The following CLVS1 variants were observed in gnomAD, a reference collection of about 807,000 sequenced individuals.
The protein encoded by CLVS1 is clavesin 1.
CLVS1 carries 10 observed loss-of-function variants against 33.1 expected under a neutral mutation model. The ratio of observed to expected loss-of-function variants is 0.30; its 90% CI spans 0.19 to 0.51. The LOEUF is 0.51. Ranked by LOEUF, CLVS1 falls within the 20% of genes least tolerant of loss-of-function variation. CLVS1 has a pLI of 0.97. For synonymous variants in CLVS1, 163 were observed against 166.1 expected, an observed-to-expected ratio of 0.98 and a Z score of 0.14; for missense variants, 343 against 433.4, an observed-to-expected ratio of 0.79 and a Z score of 1.85.
intron 2 of CLVS1, among the ~76,000 whole-genome samples, chr8:61,328,491 T>A (rs10429447): frequency 6.6e-6 from 1 of 151,940 alleles, no homozygotes; most frequent in Non-Finnish European, 1.5e-5. Context: ...CCTTAGCATA[T>A]ATTACCAGCT....
At chr8:61,069,011 G>C (rs181880662) in intron 1 of CLVS1, among the ~76,000 whole-genome samples, 26 of 152,200 alleles carry the variant, frequency 1.7e-4, no homozygotes, top group Admixed American at 1.5e-3. Flanking sequence ...TTGTTGTCCA[G>C]GCTGGAGTGC....
At chr8:61,471,116 T>C (rs886253343) in intron 5 of CLVS1, among the ~76,000 whole-genome samples, 2 of 152,236 alleles carry the variant, frequency 1.3e-5, no homozygotes, top group African/African-American at 4.8e-5. Flanking sequence ...CTATGTGTCT[T>C]CATTTTCCTA....
chr8:61,312,900 A>G (rs565806558), intron 2 of CLVS1, among the ~76,000 whole-genome samples: 1 of 152,186 alleles, frequency 6.6e-6, no homozygotes, highest in Non-Finnish European at 1.5e-5. Flanking sequence ...AGTTCTTACT[A>G]AAGAATCTTC....
intron 2 of CLVS1, among the ~76,000 whole-genome samples, chr8:61,353,329 G>T (rs1377662118): frequency 6.6e-6 from 1 of 151,884 alleles, no homozygotes; most frequent in African/African-American, 2.4e-5. Context: ...TAAAATAAAT[G>T]AAATCATACT....
At chr8:61,132,803 C>T (rs368523505) in intron 2 of CLVS1, among the ~76,000 whole-genome samples, 45 of 152,252 alleles carry the variant, frequency 3.0e-4, no homozygotes, top group African/African-American at 9.9e-4. Flanking sequence ...GCCTGACTCC[C>T]GTAAGTAAAG....
At chr8:61,112,286 A>G (rs1458210129) in intron 1 of CLVS1, among the ~76,000 whole-genome samples, 1 of 152,202 alleles carries the variant, frequency 6.6e-6, no homozygotes, top group Non-Finnish European at 1.5e-5. Flanking sequence ...GTTATAGAAT[A>G]AGGCCTACTT....
chr8:61,139,451 C>A (rs1256464220), intron 2 of CLVS1, among the ~76,000 whole-genome samples: 1 of 152,202 alleles, frequency 6.6e-6, no homozygotes, highest in Non-Finnish European at 1.5e-5. Context: ...ACCTTCTCCG[C>A]GCTTTAAGAT....
chr8:61,329,775 T>C (rs1466877923), intron 2 of CLVS1, among the ~76,000 whole-genome samples: 1 of 152,226 alleles, frequency 6.6e-6, no homozygotes, highest in African/African-American at 2.4e-5. Flanking sequence ...ATTTTAAATG[T>C]TCCTTTAAGT....
intron 2 of CLVS1, among the ~76,000 whole-genome samples, chr8:61,240,894 G>GTTTTTTTTTTTTTTTTTTTTTTTTTTTT (rs549955338): frequency 7.7e-6 from 1 of 130,616 alleles, no homozygotes; most frequent in African/African-American, 3.2e-5. Flanking sequence ...TTTGCTGTAG[G>GTTTTTTTTTTTTTTTTTTTTTTTTTTTT]TTTTTTTTTT....
At chr8:61,424,024 T>C (rs1694935213) in intron 3 of CLVS1, among the ~76,000 whole-genome samples, 1 of 152,192 alleles carries the variant, frequency 6.6e-6, no homozygotes, top group Admixed American at 6.5e-5. Context: ...TATCTTCATC[T>C]CTCTTCCCTT....
At chr8:61,026,233 C>T in the CLVS1 span, among the ~76,000 whole-genome samples, 40 of 152,272 alleles carry the variant, frequency 2.6e-4, no homozygotes, top group African/African-American at 9.4e-4. Flanking sequence ...AGACCCTCTT[C>T]ATGAGAAGAC....
chr8:61,334,868 A>G (rs944757145), intron 2 of CLVS1, among the ~76,000 whole-genome samples: 15 of 152,330 alleles, frequency 9.8e-5, no homozygotes, highest in African/African-American at 2.6e-4. Flanking sequence ...ATAGAGAAAG[A>G]GTAATTCACG....
intron 1 of CLVS1, among the ~76,000 whole-genome samples, chr8:61,113,389 C>A (rs17763185): frequency 0.19 from 29,244 of 152,080 alleles, 3,022 homozygotes; most frequent in Admixed American, 0.31. Context: ...CAGATGGGTC[C>A]AACCACATGG....
chr8:61,097,698 T>A (rs1234063976), intron 1 of CLVS1, among the ~76,000 whole-genome samples: 1 of 152,216 alleles, frequency 6.6e-6, no homozygotes, highest in Non-Finnish European at 1.5e-5. Context: ...AACTTCAAGG[T>A]ACCTGTGCTG....
chr8:61,402,855 A>C (rs1814823114), intron 3 of CLVS1, among the ~76,000 whole-genome samples: 1 of 152,238 alleles, frequency 6.6e-6, no homozygotes, highest in Non-Finnish European at 1.5e-5. Context: ...AAAAGACCAA[A>C]ATGTCTGCCC....
intron 2 of CLVS1, among the ~76,000 whole-genome samples, chr8:61,157,721 TA>T (rs1029823905): frequency 2.7e-5 from 4 of 150,932 alleles, no homozygotes; most frequent in Admixed American, 1.3e-4. Context: ...GACAACAAAA[TA>T]AAAAATGGGC....
chr8:61,346,527 T>A (rs1812225504), intron 2 of CLVS1, among the ~76,000 whole-genome samples: 1 of 152,190 alleles, frequency 6.6e-6, no homozygotes, highest in South Asian at 2.1e-4. Context: ...GTCCTAATGA[T>A]GACCTTTTAC....
At chr8:61,247,454 A>G (rs1036870990) in intron 2 of CLVS1, among the ~76,000 whole-genome samples, 2 of 152,234 alleles carry the variant, frequency 1.3e-5, no homozygotes, top group African/African-American at 4.8e-5. Context: ...TAACCTCATC[A>G]GCGTCTACTA....
chr8:61,269,298 G>C (rs1334712249), intron 2 of CLVS1, among the ~76,000 whole-genome samples: 1 of 152,060 alleles, frequency 6.6e-6, no homozygotes, highest in Non-Finnish European at 1.5e-5. Flanking sequence ...TCTTGTTTTT[G>C]TCTGGTTTGT....
Sources: gnomAD v4.1 joint callset for allele counts (sites outside exome capture counted in the v4.1 genomes callset) on GRCh38, gnomAD v4.1.1 for gene constraint, MANE v1.5 for transcripts, NCBI Gene and HGNC (gene_info 2026-07-23, HGNC 2026-07-21) for gene names.